Variants in LRFN2 observed in about 807,000 individuals in gnomAD.
The protein encoded by LRFN2 is leucine-rich repeat and fibronectin type-III domain-containing protein 2.
LRFN2 carries 18 observed loss-of-function variants against 37.3 expected under a neutral mutation model. The ratio of observed to expected loss-of-function variants is 0.48; its 90% CI spans 0.33 to 0.72. The LOEUF is 0.72. Among genes scored for constraint, LRFN2 ranks in the 30% least tolerant of loss-of-function variants. LRFN2 has a pLI of 0.02. For synonymous variants in LRFN2, 556 were observed against 466.6 expected (o/e 1.19, Z -2.47); for missense variants, 1,006 against 1,060.7 (o/e 0.95, Z 0.72).
At chr6:40,465,451 C>T (rs1458005611) in intron 1 of LRFN2, among the ~76,000 whole-genome samples, 1 of 152,214 alleles carries the variant, frequency 6.6e-6, no homozygotes, top group Non-Finnish European at 1.5e-5. Context: ...TGAGCAGCCC[C>T]ATATTGGCTT....
intron 2 of LRFN2, among the ~76,000 whole-genome samples, chr6:40,430,769 G>T (rs1202121977): frequency 6.6e-6 from 1 of 152,198 alleles, no homozygotes; most frequent in Non-Finnish European, 1.5e-5. Flanking sequence ...AGGCCCAGGG[G>T]GTTCAGCACA....
At chr6:40,509,805 G>A (rs1192773728) in intron 1 of LRFN2, among the ~76,000 whole-genome samples, 1 of 151,112 alleles carries the variant, frequency 6.6e-6, no homozygotes, top group Non-Finnish European at 1.5e-5. Context: ...ATGCGTGCCA[G>A]TATGCCAGGG....
At chr6:40,397,978 T>G (rs1762650825) in intron 2 of LRFN2, among the ~76,000 whole-genome samples, 1 of 151,900 alleles carries the variant, frequency 6.6e-6, no homozygotes, top group Admixed American at 6.6e-5. Context: ...TTGAAGTGCA[T>G]GATGATTATT....
At chr6:40,408,645 A>G (rs776507777) in intron 2 of LRFN2, among the ~76,000 whole-genome samples, 1 of 152,286 alleles carries the variant, frequency 6.6e-6, no homozygotes, top group Middle Eastern at 3.4e-3. Flanking sequence ...CCCTAGGCAG[A>G]TTACTTACCC....
At chr6:40,532,251 G>A (rs1379677037) in intron 1 of LRFN2, among the ~76,000 whole-genome samples, 1 of 152,128 alleles carries the variant, frequency 6.6e-6, no homozygotes, top group African/African-American at 2.4e-5. Flanking sequence ...AGTCCTACTT[G>A]GGGTCATCAT....
intron 1 of LRFN2, among the ~76,000 whole-genome samples, chr6:40,585,864 C>CAT (rs1767492562): frequency 1.3e-5 from 2 of 152,072 alleles, no homozygotes; most frequent in African/African-American, 4.8e-5. Context: ...CACACACACA[C>CAT]ACACACACAC....
chr6:40,508,454 G>A (rs1018337098), intron 1 of LRFN2, among the ~76,000 whole-genome samples: 2 of 152,118 alleles, frequency 1.3e-5, no homozygotes, highest in Non-Finnish European at 2.9e-5. Flanking sequence ...TGGTGGGGGG[G>A]ATCCACCCAA....
At chr6:40,411,914 C>T (rs1273613722) in intron 2 of LRFN2, among the ~76,000 whole-genome samples, 10 of 152,090 alleles carry the variant, frequency 6.6e-5, no homozygotes, top group Non-Finnish European at 1.2e-4. Context: ...CCAGGATTGC[C>T]AGCTGTTTTG....
chr6:40,410,932 C>G (rs911563213), intron 2 of LRFN2, among the ~76,000 whole-genome samples: 1 of 152,240 alleles, frequency 6.6e-6, no homozygotes, highest in African/African-American at 2.4e-5. Context: ...ATCCTCCTTC[C>G]TCTGTCCTGC....
rs182047042 is a variant in LRFN2 at position 40,435,271 on chromosome 6, C to A, written c.-18-2140G>T. Among the ~76,000 whole-genome samples the A allele has an allele frequency of 4.7e-5, 7 of 150,370 alleles. No individual in the cohort carries two copies. In the East Asian group the frequency reaches 1.4e-3, roughly 30 times the overall value. On this transcript the variant is annotated intron_variant, in intron 1 of 2. Coordinates refer to ENST00000338305, the MANE Select transcript of LRFN2 (RefSeq NM_020737.3). ...AAACTCCTGGGCTCAAGTGATTCTC[C>A]CACCTTGGCCTCCTGAGTAACTACA...
chr6:40,418,596 C>T (rs1271855815), intron 2 of LRFN2, among the ~76,000 whole-genome samples: 6 of 152,104 alleles, frequency 3.9e-5, no homozygotes, highest in African/African-American at 1.2e-4. Flanking sequence ...TCATTCTTCC[C>T]CTCAGAACTA....
At chr6:40,454,873 C>G (rs1165496198) in intron 1 of LRFN2, among the ~76,000 whole-genome samples, 2 of 152,150 alleles carry the variant, frequency 1.3e-5, no homozygotes, top group Non-Finnish European at 2.9e-5. Flanking sequence ...ATAGTGAGAT[C>G]CTATTTGTAT....
chr6:40,515,928 A>T (rs1765857744), intron 1 of LRFN2, among the ~76,000 whole-genome samples: 3 of 149,650 alleles, frequency 2.0e-5, no homozygotes, highest in Admixed American at 2.0e-4. Flanking sequence ...GTCTTCAACC[A>T]TTGCCTCAGC....
intron 1 of LRFN2, among the ~76,000 whole-genome samples, chr6:40,434,866 C>T (rs1244582953): frequency 6.6e-6 from 1 of 151,602 alleles, no homozygotes; most frequent in Non-Finnish European, 1.5e-5. Flanking sequence ...CCTACTCTTG[C>T]TTTCTCTCAC....
chr6:40,527,905 C>A (rs909798615), intron 1 of LRFN2, among the ~76,000 whole-genome samples: 3 of 152,182 alleles, frequency 2.0e-5, no homozygotes, highest in African/African-American at 7.2e-5. Context: ...ATAATCATAG[C>A]TATAATAGCT....
chr6:40,520,225 AGAG>A (rs1339456495), intron 1 of LRFN2, among the ~76,000 whole-genome samples: 3 of 152,040 alleles, frequency 2.0e-5, no homozygotes, highest in African/African-American at 4.8e-5. Context: ...GCCCAGCCCG[AGAG>A]GAGATGATGC....
rs1239798097 is a variant in LRFN2 at position 40,431,938 on chromosome 6, G to A, written c.1176C>T (p.Pro392=). 3 of 1,613,162 alleles carry A rather than the reference G, an allele frequency of 1.9e-6. No homozygotes were observed. Among genetic ancestry groups the A allele is most frequent in the Non-Finnish European group, 1.7e-6 (2 of 1,179,826 alleles). The change falls in exon 2 of 3, where the codon CCC becomes CCT. Residue 392 remains proline, a synonymous_variant. Coordinates refer to ENST00000338305, the MANE Select transcript of LRFN2 (RefSeq NM_020737.3). ...CAGTGATGTCTGAGAGGCGGGACTT[G>A]GGGGGTGCAGTGCGGCTGGTGCTGT... The part of the protein sequence containing the change: ...LSNSTSRTAP[P]KSRLSDITGS...
At chr6:40,436,046 G>A (rs1230408809) in intron 1 of LRFN2, among the ~76,000 whole-genome samples, 3 of 151,996 alleles carry the variant, frequency 2.0e-5, no homozygotes, top group African/African-American at 7.2e-5. Flanking sequence ...TTTTAAAAAA[G>A]TAAAAAGAAA....
chr6:40,520,620 T>C (rs767999677), intron 1 of LRFN2, among the ~76,000 whole-genome samples: 2 of 152,210 alleles, frequency 1.3e-5, no homozygotes, highest in Non-Finnish European at 2.9e-5. Flanking sequence ...GCCACTGCTG[T>C]TCATACAATC....
Sources: allele counts gnomAD v4.1 joint callset (sites outside exome capture counted in the v4.1 genomes callset), GRCh38; gene constraint gnomAD v4.1.1; transcripts MANE v1.5; gene names NCBI Gene and HGNC (gene_info 2026-07-23, HGNC 2026-07-21).